RUFY2: variants seen among roughly 807,000 people sequenced by gnomAD.
RUFY2 encodes the protein RUN and FYVE domain containing 2.
A neutral mutation model predicts 94.4 loss-of-function variants in RUFY2; 49 were observed. That is an observed-to-expected ratio of 0.52 (90% CI 0.41 to 0.66). The LOEUF (loss-of-function observed/expected upper bound fraction) is 0.66, where lower values mean the gene tolerates loss of function less well. RUFY2 is among the 30% of genes least tolerant of loss of function. The pLI is 0.00. For synonymous variants in RUFY2, 255 were observed against 235.7 expected (o/e 1.08, Z -0.75); for missense variants, 541 against 692.8 (o/e 0.78, Z 2.46).
Position 68,344,180 on chromosome 10 carries a change from A to G in RUFY2, c.*1588T>C, listed in dbSNP as rs1001347337. The G allele has an allele frequency of 1.3e-5, 2 of 152,208 alleles. No homozygotes were observed. The highest frequency in any genetic ancestry group is 4.8e-5 in the African/African-American group (2 of 41,448). The allele number at this position is 152,208 out of a possible 1,614,324, so 9.4% of individuals were successfully genotyped here. ...TGACTGGAAATTTACGGGTTTTGGA[A>G]AAAATAGATCTTCAAGTAAAATATT... is the stretch of plus-strand genomic sequence containing the variant. On this transcript the variant is annotated 3_prime_UTR_variant, in exon 18 of 18. Coordinates refer to ENST00000602465, the MANE Select transcript of RUFY2 (RefSeq NM_001330103.2).
intron 3 of RUFY2, 36 bp downstream of exon 3, chr10:68,401,584 T>C: frequency 7.8e-7 from 1 of 1,288,980 alleles, no homozygotes; most frequent in Non-Finnish European, 1.1e-6. Flanking sequence ...AATACACTTC[T>C]GTGGCTAGGG....
chr10:68,371,332 G>C (rs1456982512), intron 13 of RUFY2, among the ~76,000 whole-genome samples: 2 of 151,830 alleles, frequency 1.3e-5, no homozygotes, highest in Non-Finnish European at 2.9e-5. Context: ...TGAGGCAGGA[G>C]AATCGCTTGA....
At chr10:68,363,885 G>C in intron 14 of RUFY2, 99 bp downstream of exon 14, 1 of 966,020 alleles carries the variant, frequency 1.0e-6, no homozygotes, top group Non-Finnish European at 1.5e-6. Flanking sequence ...AAGATGACTA[G>C]TATATCCATT....
chr10:68,376,378 G>A (rs538309734), intron 13 of RUFY2, among the ~76,000 whole-genome samples: 129 of 141,288 alleles, frequency 9.1e-4, no homozygotes, highest in African/African-American at 3.2e-3. Flanking sequence ...AGTGAGCTGA[G>A]GTCACATGCC....
intron 2 of RUFY2, among the ~76,000 whole-genome samples, chr10:68,403,764 T>C (rs906891244): frequency 1.3e-5 from 2 of 151,940 alleles, no homozygotes; most frequent in Non-Finnish European, 2.9e-5. Context: ...TACTTTTTAT[T>C]AAAACAAAGT....
At position 68,394,446 on chromosome 10, in the gene RUFY2, A is replaced by T. The variant is rs368445987; in HGVS notation, c.404T>A (p.Phe135Tyr). The change falls in exon 5 of 18, where the codon TTT becomes TAT. Residue 135 changes from phenylalanine (F) to tyrosine (Y), a missense_variant. Phe to Tyr is a conservative substitution (Grantham distance 22, BLOSUM62 3). Coordinates refer to ENST00000602465, the MANE Select transcript of RUFY2 (RefSeq NM_001330103.2). ...CATCATTAGTGCGTGATACTCATAA[A>T]ACTCACTGTGAAAATTTAAAAAATA... ...LIIQRDLLSE[F>Y]YEYHALMMEE... 1.2e-6 allele frequency: 2 copies of T among 1,608,012 alleles called. No individual in the cohort carries two copies. Among genetic ancestry groups the T allele is most frequent in the Admixed American group, 1.7e-5 (1 of 59,288 alleles).
At chr10:68,352,638 AAG>A (rs780916140) in intron 16 of RUFY2, among the ~76,000 whole-genome samples, 16 of 152,326 alleles carry the variant, frequency 1.1e-4, no homozygotes, top group East Asian at 1.9e-4. Context: ...TGTTTTTAAA[AAG>A]AGAGGGGTGG....
chr10:68,351,293 G>A (rs573950056), intron 16 of RUFY2, among the ~76,000 whole-genome samples: 5 of 149,418 alleles, frequency 3.3e-5, no homozygotes, highest in South Asian at 2.1e-4. Context: ...CACCACGCCC[G>A]GCTAATTTTT....
chr10:68,347,549 G>C (rs946623545), intron 16 of RUFY2, among the ~76,000 whole-genome samples: 1 of 152,176 alleles, frequency 6.6e-6, no homozygotes, highest in African/African-American at 2.4e-5. Flanking sequence ...CTCCCAAAGT[G>C]CTGGGATTAC....
chr10:68,346,331 C>T (rs927208088), intron 16 of RUFY2: 37 of 372,052 alleles, frequency 9.9e-5, no homozygotes, highest in Middle Eastern at 7.6e-4. Flanking sequence ...TGGCTCACAC[C>T]GGTAATTCCA....
chr10:68,385,593 T>G (rs774690756), intron 8 of RUFY2, among the ~76,000 whole-genome samples: 1 of 152,198 alleles, frequency 6.6e-6, no homozygotes, highest in African/African-American at 2.4e-5. Flanking sequence ...GAATTTCTTT[T>G]TTTTAATGTG....
chr10:68,386,228 C>T (rs2049485038), intron 7 of RUFY2, 100 bp from the exon 8 acceptor site: 4 of 820,844 alleles, frequency 4.9e-6, no homozygotes, highest in South Asian at 1.9e-5. Context: ...CTGACAGGCA[C>T]CAACTGCCCT....
intron 13 of RUFY2, among the ~76,000 whole-genome samples, chr10:68,374,034 T>C (rs946199144): frequency 6.7e-6 from 1 of 149,716 alleles, no homozygotes; most frequent in African/African-American, 2.5e-5. Context: ...GGAGGATTGC[T>C]TGAGCCTAGG....
chr10:68,368,898 A>T (rs2048052699), intron 13 of RUFY2, among the ~76,000 whole-genome samples: 1 of 152,190 alleles, frequency 6.6e-6, no homozygotes. Flanking sequence ...TAGCCTAGCA[A>T]GACAGAAAAC....
intron 10 of RUFY2, among the ~76,000 whole-genome samples, chr10:68,383,280 G>T (rs972613854): frequency 1.4e-5 from 2 of 143,652 alleles, no homozygotes; most frequent in African/African-American, 5.2e-5. Flanking sequence ...AGCCAAGATC[G>T]CACCACTGCA....
At chr10:68,384,882 G>A (rs1460057969) in intron 8 of RUFY2, among the ~76,000 whole-genome samples, 4 of 152,102 alleles carry the variant, frequency 2.6e-5, no homozygotes, top group Non-Finnish European at 5.9e-5. Context: ...CTCTATAATG[G>A]TCCCGATCAG....
intron 15 of RUFY2, among the ~76,000 whole-genome samples, chr10:68,360,839 A>T (rs2047410848): frequency 6.6e-6 from 1 of 152,094 alleles, no homozygotes; most frequent in Non-Finnish European, 1.5e-5. Context: ...TGGAGGTTGC[A>T]GTGAGCCAAG....
chr10:68,392,094 C>T (rs12781376), intron 7 of RUFY2, among the ~76,000 whole-genome samples: 5,671 of 151,480 alleles, frequency 0.037, 126 homozygotes, highest in Non-Finnish European at 0.048. Flanking sequence ...TGCAATGGCA[C>T]GATCTCGACT....
chr10:68,371,002 G>A (rs753461608), intron 13 of RUFY2, among the ~76,000 whole-genome samples: 1 of 151,794 alleles, frequency 6.6e-6, no homozygotes, highest in South Asian at 2.1e-4. Flanking sequence ...TGTGGTGACG[G>A]GCACCTGTAG....
Sources: gnomAD v4.1 joint callset for allele counts (sites outside exome capture counted in the v4.1 genomes callset) on GRCh38, gnomAD v4.1.1 for gene constraint, MANE v1.5 for transcripts, NCBI Gene and HGNC (gene_info 2026-07-23, HGNC 2026-07-21) for gene names.